Variants in DISC1 observed in about 807,000 individuals in gnomAD.
DISC1 encodes the protein DISC1 scaffold protein, also known as disrupted in schizophrenia 1 protein.
Under a neutral mutation model 84.5 loss-of-function variants are expected in DISC1, and 57 were observed. The ratio of observed to expected loss-of-function variants is 0.67; its 90% CI spans 0.55 to 0.84. The LOEUF (loss-of-function observed/expected upper bound fraction) is 0.84, where lower values mean the gene tolerates loss of function less well. Among genes scored for constraint, DISC1 ranks in the 40% least tolerant of loss-of-function variants. The pLI, the probability that DISC1 is intolerant of heterozygous loss-of-function variation, is 0.00. For missense variants in DISC1, 1,000 were observed against 1,057.8 expected (o/e 0.95, Z 0.76); for synonymous variants, 411 against 415.2 (o/e 0.99, Z 0.12).
intron 9 of DISC1, among the ~76,000 whole-genome samples, chr1:231,886,795 CTTTCTTTCT>C (rs2086766761): frequency 1.4e-5 from 2 of 142,326 alleles, no homozygotes; most frequent in African/African-American, 5.2e-5. Flanking sequence ...TTCTTTCTTT[CTTTCTTTCT>C]TTCTTTCTTT....
chr1:232,019,209 G>T (rs1182028426), intron 11 of DISC1, among the ~76,000 whole-genome samples: 1 of 152,166 alleles, frequency 6.6e-6, no homozygotes, highest in African/African-American at 2.4e-5. Context: ...AGCGTTCCTG[G>T]AAGAAGTGGA....
intron 6 of DISC1, among the ~76,000 whole-genome samples, chr1:231,793,581 C>T (rs866652641): frequency 1.8e-4 from 27 of 152,310 alleles, no homozygotes; most frequent in African/African-American, 5.8e-4. Flanking sequence ...GACCCCATGA[C>T]GGGCTTACAC....
At chr1:231,652,810 C>T (rs181921075) in intron 1 of DISC1, among the ~76,000 whole-genome samples, 10 of 152,254 alleles carry the variant, frequency 6.6e-5, no homozygotes, top group Admixed American at 3.9e-4. Context: ...GATGGAGGCT[C>T]GCTCTGTCGC....
At chr1:231,768,257 T>C (rs1439225127) in intron 5 of DISC1, among the ~76,000 whole-genome samples, 2 of 152,132 alleles carry the variant, frequency 1.3e-5, no homozygotes. Context: ...GGGAAGAGCA[T>C]AGGTCTTCAA....
At chr1:231,886,852 CTTTCTTTTCTTTCCT>C (rs2125995302) in intron 9 of DISC1, among the ~76,000 whole-genome samples, 1 of 67,650 alleles carries the variant, frequency 1.5e-5, no homozygotes, top group African/African-American at 6.3e-5. Flanking sequence ...TCTTTTCTTT[CTTTCTTTTCTTTCCT>C]TTTTTTTTTT....
intron 9 of DISC1, among the ~76,000 whole-genome samples, chr1:231,929,228 A>C (rs2090514594): frequency 6.6e-6 from 1 of 152,110 alleles, no homozygotes; most frequent in Non-Finnish European, 1.5e-5. Flanking sequence ...TTGCTTTATG[A>C]ATCTGGGTGC....
intron 6 of DISC1, among the ~76,000 whole-genome samples, chr1:231,777,491 G>A (rs1325741420): frequency 2.6e-5 from 4 of 152,148 alleles, no homozygotes; most frequent in Non-Finnish European, 5.9e-5. Flanking sequence ...GGGTCACTGG[G>A]ATTACAGGGT....
intron 3 of DISC1, among the ~76,000 whole-genome samples, chr1:231,726,939 G>A (rs1282929475): frequency 2.0e-5 from 3 of 152,198 alleles, no homozygotes; most frequent in Admixed American, 6.5e-5. Context: ...AATCTGGGGT[G>A]TAACTATTCA....
intron 1 of DISC1, among the ~76,000 whole-genome samples, chr1:231,680,029 A>G (rs1226429397): frequency 6.6e-6 from 1 of 152,126 alleles, no homozygotes; most frequent in Non-Finnish European, 1.5e-5. Context: ...GGAGTTTGAG[A>G]CCAGCCTGGC....
At chr1:231,861,452 GTTTTTTTTTTTTT>G (rs59522401) in intron 9 of DISC1, among the ~76,000 whole-genome samples, 4 of 88,968 alleles carry the variant, frequency 4.5e-5, no homozygotes, top group Non-Finnish European at 6.6e-5. Context: ...ATTTTGACAA[GTTTTTTTTTTTTT>G]TTTTTTTTTT....
chr1:231,743,666 G>T (rs886700868), intron 3 of DISC1, among the ~76,000 whole-genome samples: 4 of 152,216 alleles, frequency 2.6e-5, no homozygotes, highest in Non-Finnish European at 4.4e-5. Flanking sequence ...AGACTCTACT[G>T]CGTATTTTAA....
chr1:231,978,315 A>G (rs1192618479), intron 10 of DISC1, among the ~76,000 whole-genome samples: 1 of 152,142 alleles, frequency 6.6e-6, no homozygotes, highest in Non-Finnish European at 1.5e-5. Flanking sequence ...TTTTACCTAC[A>G]TTGGTGATTA....
At chr1:231,812,969 C>T (rs569469174) in intron 8 of DISC1, among the ~76,000 whole-genome samples, 80 of 152,290 alleles carry the variant, frequency 5.3e-4, no homozygotes, top group African/African-American at 1.7e-3. Context: ...GGAATTCACA[C>T]TCACTCTGCT....
At chr1:231,823,894 C>G (rs989282694) in intron 9 of DISC1, among the ~76,000 whole-genome samples, 3 of 152,082 alleles carry the variant, frequency 2.0e-5, no homozygotes, top group Non-Finnish European at 2.9e-5. Flanking sequence ...GTTTTTCCCA[C>G]AAAAAGATCC....
chr1:231,891,163 G>A (rs2087178802), intron 9 of DISC1, among the ~76,000 whole-genome samples: 1 of 152,102 alleles, frequency 6.6e-6, no homozygotes, highest in African/African-American at 2.4e-5. Context: ...GAGGAGAATT[G>A]TCTTGGGCCA....
chr1:231,688,511 A>G (rs1482468860), intron 1 of DISC1, among the ~76,000 whole-genome samples: 1 of 152,206 alleles, frequency 6.6e-6, no homozygotes, highest in Non-Finnish European at 1.5e-5. Flanking sequence ...CTTTTTCACC[A>G]AATGCAGCAC....
intron 9 of DISC1, chr1:231,819,285 G>A (rs2081314854): frequency 1.7e-5 from 8 of 476,044 alleles, no homozygotes; most frequent in Non-Finnish European, 2.2e-5. Context: ...AAAAAACGGG[G>A]CTGATAGGAA....
intron 10 of DISC1, among the ~76,000 whole-genome samples, chr1:231,981,833 G>A (rs1037425586): frequency 6.6e-6 from 1 of 152,148 alleles, no homozygotes; most frequent in African/African-American, 2.4e-5. Flanking sequence ...GGGTTATTGT[G>A]GTTTGACGGT....
At chr1:232,025,240 G>T (rs1307231507) in intron 11 of DISC1, among the ~76,000 whole-genome samples, 1 of 152,188 alleles carries the variant, frequency 6.6e-6, no homozygotes, top group East Asian at 1.9e-4. Flanking sequence ...GAGTGGGGAA[G>T]AATGCATGGG....
Sources: gnomAD v4.1 joint callset for allele counts (sites outside exome capture counted in the v4.1 genomes callset) on GRCh38, gnomAD v4.1.1 for gene constraint, MANE v1.5 for transcripts, NCBI Gene and HGNC (gene_info 2026-07-23, HGNC 2026-07-21) for gene names.